CCDC69: variants seen among roughly 807,000 people sequenced by gnomAD.
CCDC69 encodes coiled-coil domain-containing protein 69.
Under a neutral mutation model 40.3 loss-of-function variants are expected in CCDC69, and 38 were observed. The ratio of observed to expected loss-of-function variants is 0.94; its 90% CI spans 0.73 to 1.24. The LOEUF is 1.24. Ranked by LOEUF, CCDC69 falls within the 50% of genes most tolerant of loss-of-function variation. The probability of loss-of-function intolerance (pLI) is 0.00; values close to 1 mark genes in which losing one functional copy is unlikely to be tolerated. For synonymous variants in CCDC69, 141 were observed against 138.9 expected, an observed-to-expected ratio of 1.02 and a Z score of -0.11; for missense variants, 389 against 357.9, an observed-to-expected ratio of 1.09 and a Z score of -0.70.
intron 4 of CCDC69, among the ~76,000 whole-genome samples, chr5:151,191,697 T>G (rs1206066027): frequency 6.6e-6 from 1 of 152,206 alleles, no homozygotes; most frequent in Non-Finnish European, 1.5e-5. Flanking sequence ...ATATGTAGGA[T>G]GCAGGTAAAG....
At chr5:151,213,619 C>T (rs899565378) in intron 1 of CCDC69, among the ~76,000 whole-genome samples, 2 of 152,128 alleles carry the variant, frequency 1.3e-5, no homozygotes, top group East Asian at 1.9e-4. Context: ...GGATAGAAGC[C>T]GCCCAGCTAT....
chr5:151,187,591 T>C, intron 4 of CCDC69, 132 bp from the exon 5 acceptor site: 2 of 666,938 alleles, frequency 3.0e-6, no homozygotes, highest in Non-Finnish European at 5.3e-6. Flanking sequence ...AACGGTCTTA[T>C]TCATCCTTCT....
intron 1 of CCDC69, among the ~76,000 whole-genome samples, chr5:151,217,102 G>A (rs1001676708): frequency 2.6e-5 from 4 of 152,138 alleles, no homozygotes; most frequent in East Asian, 1.9e-4. Context: ...ATAAATACTC[G>A]AGGTGATGAA....
At position 151,224,013 on chromosome 5, in the gene CCDC69, C is replaced by A. The variant is rs772111287; in HGVS notation, c.-43G>T. 5.3e-6 allele frequency: 8 copies of A among 1,509,988 alleles called. No homozygotes were observed. The highest frequency in any genetic ancestry group is 3.7e-5 in the South Asian group (3 of 80,678). 93.5% of individuals were successfully genotyped at this position (1,509,988 alleles called of 1,614,324 possible). On this transcript the variant is annotated 5_prime_UTR_variant, in exon 1 of 9. Coordinates refer to ENST00000355417, the MANE Select transcript of CCDC69 (RefSeq NM_015621.3). ...CGGACGCCGCTTCCCAACTCCGGGG[C>A]CCCCAGAGGAGCCTGCGATCCGGGC... is the stretch of plus-strand genomic sequence containing the variant.
chr5:151,203,924 A>G (rs986639023), intron 2 of CCDC69, among the ~76,000 whole-genome samples: 15 of 141,646 alleles, frequency 1.1e-4, no homozygotes, highest in Non-Finnish European at 2.1e-4. Flanking sequence ...TAGTATATAT[A>G]CTAATAAATA....
chr5:151,200,959 C>T (rs1301536370), intron 3 of CCDC69, among the ~76,000 whole-genome samples: 1 of 151,952 alleles, frequency 6.6e-6, no homozygotes, highest in Non-Finnish European at 1.5e-5. Context: ...CATCTGATGT[C>T]CCATCTCAGT....
chr5:151,187,270 A>G, intron 5 of CCDC69, 116 bp downstream of exon 5: 1 of 810,036 alleles, frequency 1.2e-6, no homozygotes, highest in Non-Finnish European at 2.1e-6. Flanking sequence ...CAATCACCTC[A>G]GCCCCTCACT....
chr5:151,213,810 T>G (rs1195273497), intron 1 of CCDC69, among the ~76,000 whole-genome samples: 1 of 152,208 alleles, frequency 6.6e-6, no homozygotes, highest in East Asian at 1.9e-4. Flanking sequence ...CCTGCTTAAC[T>G]TAGAGAATTT....
intron 1 of CCDC69, among the ~76,000 whole-genome samples, chr5:151,216,478 G>A (rs375980535): frequency 1.4e-5 from 2 of 144,496 alleles, no homozygotes; most frequent in Non-Finnish European, 3.0e-5. Flanking sequence ...GTGCAGTGGT[G>A]CGATCTCGGC....
chr5:151,208,173 C>A (rs1281102072), intron 1 of CCDC69, among the ~76,000 whole-genome samples: 2 of 152,156 alleles, frequency 1.3e-5, no homozygotes, highest in Non-Finnish European at 2.9e-5. Context: ...ATTGCTTGAA[C>A]CCAGGAGGTG....
intron 4 of CCDC69, among the ~76,000 whole-genome samples, chr5:151,191,294 A>G (rs1333774547): frequency 6.6e-6 from 1 of 152,220 alleles, no homozygotes; most frequent in East Asian, 1.9e-4. Flanking sequence ...GGAGACTTCA[A>G]CACTCCTCAG....
At chr5:151,206,737 T>C (rs963746398) in intron 1 of CCDC69, among the ~76,000 whole-genome samples, 4 of 147,424 alleles carry the variant, frequency 2.7e-5, no homozygotes, top group Admixed American at 2.0e-4. Flanking sequence ...TTCAAGTGAT[T>C]CTCCTGCCTC....
At chr5:151,183,907 T>C (rs1318418818) in intron 8 of CCDC69, among the ~76,000 whole-genome samples, 1 of 152,136 alleles carries the variant, frequency 6.6e-6, no homozygotes, top group Non-Finnish European at 1.5e-5. Context: ...ATTTGTAAAA[T>C]GGGAAGAAGA....
At chr5:151,199,114 A>T (rs1752743752) in intron 3 of CCDC69, 30 bp from the exon 4 acceptor site, 1 of 1,567,972 alleles carries the variant, frequency 6.4e-7, no homozygotes. Context: ...GGCAGGACTG[A>T]GATTGAGCAG....
intron 4 of CCDC69, among the ~76,000 whole-genome samples, chr5:151,196,943 A>C (rs1050595433): frequency 9.2e-5 from 14 of 152,332 alleles, no homozygotes; most frequent in African/African-American, 3.4e-4. Context: ...ACAGTGGCTA[A>C]ATGGTGGAGG....
intron 2 of CCDC69, 55 bp from the exon 3 acceptor site, chr5:151,201,743 C>G: frequency 8.7e-7 from 1 of 1,155,146 alleles, no homozygotes; most frequent in Non-Finnish European, 1.3e-6. Flanking sequence ...AGTGGAAGTA[C>G]AGTCAGAGCT....
intron 1 of CCDC69, among the ~76,000 whole-genome samples, chr5:151,214,869 G>A (rs1167109722): frequency 6.6e-6 from 1 of 152,188 alleles, no homozygotes; most frequent in Non-Finnish European, 1.5e-5. Context: ...AGCATCAGAA[G>A]GGCCTTGAGT....
chr5:151,214,378 G>A (rs987230108), intron 1 of CCDC69, among the ~76,000 whole-genome samples: 2 of 152,142 alleles, frequency 1.3e-5, no homozygotes, highest in African/African-American at 2.4e-5. Flanking sequence ...GAAGGGCGGG[G>A]CCTAAATGAT....
chr5:151,193,698 A>C (rs1237216621), intron 4 of CCDC69, among the ~76,000 whole-genome samples: 2 of 152,224 alleles, frequency 1.3e-5, no homozygotes, highest in East Asian at 3.8e-4. Flanking sequence ...TTTAGCAAAG[A>C]GTTCACAGAC....
Sources: gnomAD v4.1 joint callset for allele counts (sites outside exome capture counted in the v4.1 genomes callset) on GRCh38, gnomAD v4.1.1 for gene constraint, MANE v1.5 for transcripts, NCBI Gene and HGNC (gene_info 2026-07-23, HGNC 2026-07-21) for gene names.